The following FARS2 variants were observed in gnomAD, a reference collection of about 807,000 sequenced individuals.
FARS2 encodes the protein phenylalanine--tRNA ligase, mitochondrial.
FARS2 carries 40 observed loss-of-function variants against 46.4 expected under a neutral mutation model. That is an observed-to-expected ratio of 0.86 (90% CI 0.67 to 1.12). FARS2 has a LOEUF of 1.12. Among genes scored for constraint, FARS2 ranks in the 50% most tolerant of loss-of-function variants. The probability of loss-of-function intolerance (pLI) is 0.00; values close to 1 mark genes in which losing one functional copy is unlikely to be tolerated. For missense variants in FARS2, 513 were observed against 567.9 expected (o/e 0.90, Z 0.98); for synonymous variants, 234 against 214.9 (o/e 1.09, Z -0.78).
chr6:5,499,085 A>AT (rs2150377067), intron 4 of FARS2, among the ~76,000 whole-genome samples: 1 of 152,276 alleles, frequency 6.6e-6, no homozygotes, highest in South Asian at 2.1e-4. Flanking sequence ...TTTAGCAGAG[A>AT]TGGGGTTTCA....
chr6:5,702,573 T>C (rs1758510329), intron 6 of FARS2, among the ~76,000 whole-genome samples: 1 of 152,260 alleles, frequency 6.6e-6, no homozygotes, highest in East Asian at 1.9e-4. Context: ...TGGATTAGTG[T>C]AGGTCAGTTC....
chr6:5,284,596 A>T (rs1352432765), intron 1 of FARS2, among the ~76,000 whole-genome samples: 1 of 152,134 alleles, frequency 6.6e-6, no homozygotes, highest in African/African-American at 2.4e-5. Context: ...TATGTTATTT[A>T]TCACTGGAAC....
chr6:5,352,378 A>G (rs913778694), intron 1 of FARS2, among the ~76,000 whole-genome samples: 2 of 151,262 alleles, frequency 1.3e-5, no homozygotes, highest in African/African-American at 2.4e-5. Context: ...CTGAAATCTT[A>G]AACTCTAACT....
intron 4 of FARS2, among the ~76,000 whole-genome samples, chr6:5,477,309 TCACAA>T (rs1766181070): frequency 6.6e-6 from 1 of 152,202 alleles, no homozygotes; most frequent in South Asian, 2.1e-4. Flanking sequence ...GTGTCTCAGC[TCACAA>T]CAGACCTCCT....
chr6:5,611,011 A>G (rs1368451121), intron 5 of FARS2, among the ~76,000 whole-genome samples: 1 of 152,228 alleles, frequency 6.6e-6, no homozygotes, highest in Non-Finnish European at 1.5e-5. Flanking sequence ...GTGCTCCTCT[A>G]GGCTCTAGAA....
chr6:5,691,424 A>G (rs982299856), intron 6 of FARS2, among the ~76,000 whole-genome samples: 4 of 152,186 alleles, frequency 2.6e-5, no homozygotes, highest in African/African-American at 7.2e-5. Flanking sequence ...ACCCTCAGCT[A>G]TAGGTCTGTT....
chr6:5,445,775 C>T (rs1764146999), intron 4 of FARS2, among the ~76,000 whole-genome samples: 2 of 152,176 alleles, frequency 1.3e-5, no homozygotes, highest in African/African-American at 4.8e-5. Context: ...AAGATTTCTT[C>T]TATGGATCCT....
At position 5,407,063 on chromosome 6, in the gene FARS2, ATAT is replaced by A. The variant is rs201211068; in HGVS notation, c.772+2363_772+2365del. On this transcript the variant is annotated intron_variant, in intron 3 of 6. Coordinates refer to ENST00000274680, the MANE Select transcript of FARS2 (RefSeq NM_006567.5). ...GCAAATTATATATATATATATATAT[ATAT>A]AATGACCAATAAATATATGAAAAGA... 1.4e-3 allele frequency among the ~76,000 whole-genome samples: 196 copies of A among 142,196 alleles called. 23 individuals are homozygous for A. The East Asian group carries it at 0.033, about 24-fold the overall frequency. The allele number at this position is 142,196 out of a possible 152,430, so 93.3% of individuals were successfully genotyped here.
chr6:5,606,238 G>C (rs1010919367), intron 5 of FARS2, among the ~76,000 whole-genome samples: 2 of 151,934 alleles, frequency 1.3e-5, no homozygotes, highest in Non-Finnish European at 2.9e-5. Context: ...CCTCATCAGA[G>C]TCAAATTGCA....
intron 4 of FARS2, among the ~76,000 whole-genome samples, chr6:5,456,075 G>A (rs927979528): frequency 1.3e-5 from 2 of 152,006 alleles, no homozygotes; most frequent in Non-Finnish European, 1.5e-5. Flanking sequence ...AATTAGCCAG[G>A]CACATTAGCG....
intron 4 of FARS2, among the ~76,000 whole-genome samples, chr6:5,443,363 C>T (rs1206745918): frequency 6.6e-6 from 1 of 152,202 alleles, no homozygotes; most frequent in East Asian, 1.9e-4. Flanking sequence ...CCAAGTTCTT[C>T]ACCCCTCCCT....
intron 6 of FARS2, among the ~76,000 whole-genome samples, chr6:5,729,041 C>T (rs1480762870): frequency 2.6e-5 from 4 of 152,142 alleles, no homozygotes; most frequent in East Asian, 1.9e-4. Flanking sequence ...CAGGAGATTC[C>T]GATGGCTTTC....
chr6:5,301,923 T>C (rs1768346673), intron 1 of FARS2, among the ~76,000 whole-genome samples: 1 of 152,058 alleles, frequency 6.6e-6, no homozygotes, highest in South Asian at 2.1e-4. Context: ...CCATCCTTCA[T>C]GTTGGGAATT....
intron 5 of FARS2, among the ~76,000 whole-genome samples, chr6:5,594,557 CAA>C (rs1774092989): frequency 6.6e-6 from 1 of 152,084 alleles, no homozygotes; most frequent in Admixed American, 6.5e-5. Flanking sequence ...ATTAAGAAGT[CAA>C]GAGGAGAACG....
At chr6:5,292,306 A>G (rs1048672683) in intron 1 of FARS2, among the ~76,000 whole-genome samples, 1 of 152,250 alleles carries the variant, frequency 6.6e-6, no homozygotes, top group African/African-American at 2.4e-5. Context: ...CTTCTGTTTT[A>G]GATCATTTTG....
intron 6 of FARS2, among the ~76,000 whole-genome samples, chr6:5,672,635 C>T (rs912448775): frequency 6.6e-6 from 1 of 152,172 alleles, no homozygotes; most frequent in African/African-American, 2.4e-5. Context: ...AATAATAAAG[C>T]ATTTCTACAC....
chr6:5,755,972 T>C (rs1437864235), intron 6 of FARS2, among the ~76,000 whole-genome samples: 3 of 152,240 alleles, frequency 2.0e-5, no homozygotes, highest in Non-Finnish European at 4.4e-5. Context: ...GAGGCAAGAT[T>C]CCTTTTTGCC....
chr6:5,480,456 G>A (rs185332395), intron 4 of FARS2, among the ~76,000 whole-genome samples: 63 of 152,236 alleles, frequency 4.1e-4, no homozygotes, highest in African/African-American at 1.3e-3. Context: ...TATTGTATCC[G>A]GTGTTTCTTT....
At chr6:5,301,419 G>C (rs1032321225) in intron 1 of FARS2, among the ~76,000 whole-genome samples, 2 of 152,080 alleles carry the variant, frequency 1.3e-5, no homozygotes, top group Non-Finnish European at 1.5e-5. Context: ...CCACTGTACT[G>C]TAGCCTGGGT....
Sources: allele counts gnomAD v4.1 joint callset (sites outside exome capture counted in the v4.1 genomes callset), GRCh38; gene constraint gnomAD v4.1.1; transcripts MANE v1.5; gene names NCBI Gene and HGNC (gene_info 2026-07-23, HGNC 2026-07-21).